The following ABHD2 variants were observed in gnomAD, a reference collection of about 807,000 sequenced individuals.
ABHD2 encodes abhydrolase domain containing 2, acylglycerol lipase, also known as monoacylglycerol lipase ABHD2.
Under a neutral mutation model 48.1 loss-of-function variants are expected in ABHD2, and 20 were observed. That is an observed-to-expected ratio of 0.42 (90% CI 0.29 to 0.60). The LOEUF is 0.60. Ranked by LOEUF, ABHD2 falls within the 20% of genes least tolerant of loss-of-function variation. The pLI, the probability that ABHD2 is intolerant of heterozygous loss-of-function variation, is 0.24. For synonymous variants in ABHD2, 209 were observed against 214.2 expected, an observed-to-expected ratio of 0.98 and a Z score of 0.21; for missense variants, 405 against 550.9, an observed-to-expected ratio of 0.74 and a Z score of 2.65.
In ABHD2 at chr15:89,116,023, ATTC is replaced by A. The variant is rs1002656928; in HGVS notation, c.-6-296_-6-294del. On this transcript the variant is annotated intron_variant, in intron 2 of 10. Transcript: ENST00000352732. The surrounding 1 kb of genome is among the most constrained non-coding windows in gnomAD (Gnocchi z 4.6). Reference sequence around the variant, plus strand: ...TTTTCCCCCTCCGATAAAGGACACTATTCTTAGCATTTTTCAATTTTCTGATTT... The same window carrying A: ...TTTTCCCCCTCCGATAAAGGACACTATTAGCATTTTTCAATTTTCTGATTT... Among the ~76,000 whole-genome samples the A allele has an allele frequency of 1.3e-5, 2 of 152,332 alleles. No homozygotes were observed. Among genetic ancestry groups the A allele is most frequent in the East Asian group, 1.9e-4 (1 of 5,192 alleles).
the ABHD2 span, among the ~76,000 whole-genome samples, chr15:89,060,639 G>A: frequency 2.0e-5 from 3 of 151,964 alleles, no homozygotes; most frequent in Admixed American, 6.6e-5. Flanking sequence ...CCAAGTCCAG[G>A]TGTAATCTGT....
At chr15:89,070,680 G>T in the ABHD2 span, among the ~76,000 whole-genome samples, 8 of 152,152 alleles carry the variant, frequency 5.3e-5, no homozygotes, top group Admixed American at 6.5e-5. Flanking sequence ...ATTGGTCAAG[G>T]TTACACAGTG....
chr15:89,091,329 A>C lies in ABHD2; in HGVS notation c.-107+2766A>C, dbSNP rs111377332. On this transcript the variant is annotated intron_variant, in intron 1 of 10. Transcript: ENST00000352732. The surrounding 1 kb of genome is among the most constrained non-coding windows in gnomAD (Gnocchi z 5.5). The stretch of plus-strand genomic sequence containing the variant: ...TCACTTCATTAAATGGCACCTTCTC[A>C]TGCTTTATTTTTCTTGAGTTGATTC... 2.0e-5 allele frequency among the ~76,000 whole-genome samples: 3 copies of C among 152,112 alleles called. No homozygotes were observed. Among genetic ancestry groups the C allele is most frequent in the Non-Finnish European group, 2.9e-5 (2 of 68,014 alleles).
At chr15:89,101,035 T>C (rs2150784754) in intron 1 of ABHD2, among the ~76,000 whole-genome samples, 1 of 152,318 alleles carries the variant, frequency 6.6e-6, no homozygotes, top group South Asian at 2.1e-4. Context: ...ATAGCAGAAA[T>C]CATGAGTCTT....
Position 89,175,337 on chromosome 15 carries a change from G to T in ABHD2, c.539-475G>T, listed in dbSNP as rs1159400693. Among the ~76,000 whole-genome samples the T allele has an allele frequency of 6.6e-6, 1 of 152,126 alleles. No individual in the cohort carries two copies. Among genetic ancestry groups the T allele is most frequent in the Admixed American group, 6.5e-5 (1 of 15,270 alleles). On this transcript the variant is annotated intron_variant, in intron 5 of 10. Transcript: ENST00000352732. The surrounding 1 kb of genome is among the most constrained non-coding windows in gnomAD (Gnocchi z 5.7). ...CCTCCCCGGCTCAAGGGATCCTCTT[G>T]CCTCAGCCTCCTAAGTAGCGGGGAC...
upstream of ABHD2, among the ~76,000 whole-genome samples, chr15:89,083,906 C>A (rs1901316350): frequency 6.6e-6 from 1 of 152,304 alleles, no homozygotes; most frequent in Admixed American, 6.5e-5. The surrounding 1 kb of genome is among the most constrained non-coding windows in gnomAD (Gnocchi z 5.1). Flanking sequence ...AGACAGTCGA[C>A]CTGGTAACAG....
chr15:89,047,447 A>G, the ABHD2 span, among the ~76,000 whole-genome samples: 2 of 151,630 alleles, frequency 1.3e-5, no homozygotes, highest in South Asian at 2.1e-4. Flanking sequence ...ATTCCTGGGT[A>G]TCCTTGTTGA....
chr15:89,107,369 G>T (rs1300322605), intron 1 of ABHD2, among the ~76,000 whole-genome samples: 3 of 152,100 alleles, frequency 2.0e-5, no homozygotes, highest in Non-Finnish European at 4.4e-5. Flanking sequence ...AAACTCATTG[G>T]AGGAGGCCCA....
chr15:89,146,351 CGTACGTGTGTGT>C lies in ABHD2; in HGVS notation c.195-5323_195-5312del, dbSNP rs1196117240. On this transcript the variant is annotated intron_variant, in intron 3 of 10. Coordinates refer to ENST00000352732, the MANE Select transcript of ABHD2 (RefSeq NM_152924.5). This position sits in a 1 kb window ranked among gnomAD's most constrained non-coding sequence, Gnocchi z 4.2. ...TATGTGAGCTTCATCTGCTCAAAGA[CGTACGTGTGTGT>C]GTGTGTGTGTGTGTGTGTGTGTGTG... Among the ~76,000 whole-genome samples, 2 of 108,236 alleles carry C rather than the reference CGTACGTGTGTGT, an allele frequency of 1.8e-5. No individual in the cohort carries two copies. Among genetic ancestry groups the C allele is most frequent in the African/African-American group, 7.4e-5 (2 of 26,896 alleles). The allele number at this position is 108,236 out of a possible 152,430, so 71.0% of individuals were successfully genotyped here. A position where few individuals can be genotyped will look rare whatever the true frequency, so the allele number is the denominator to read the frequency against.
In ABHD2 at chr15:89,133,867, C is replaced by T. The variant is rs570623104; in HGVS notation, c.194+17346C>T. On this transcript the variant is annotated intron_variant, in intron 3 of 10. Coordinates refer to ENST00000352732, the MANE Select transcript of ABHD2 (RefSeq NM_152924.5). ...TTTTTTTTTTTTTGAGACAGAGTCTCGCTCTGTCACCCAGGCTAGAGTGCA... is the reference window on the plus strand; with the variant it reads ...TTTTTTTTTTTTTGAGACAGAGTCTTGCTCTGTCACCCAGGCTAGAGTGCA... Among the ~76,000 whole-genome samples the T allele has an allele frequency of 2.7e-3, 373 of 137,410 alleles. 2 individuals are homozygous for T. Among genetic ancestry groups the T allele is most frequent in the African/African-American group, 9.5e-3 (349 of 36,868 alleles). 90.1% of individuals were successfully genotyped at this position (137,410 alleles called of 152,430 possible). A position where few individuals can be genotyped will look rare whatever the true frequency, so the allele number is the denominator to read the frequency against.
chr15:89,111,294 G>T (rs983377143), intron 1 of ABHD2, among the ~76,000 whole-genome samples: 1 of 152,116 alleles, frequency 6.6e-6, no homozygotes, highest in African/African-American at 2.4e-5. Flanking sequence ...CTCTTATAAC[G>T]CAGTGATTTT....
At chr15:89,073,458 G>A in the ABHD2 span, among the ~76,000 whole-genome samples, 1 of 152,074 alleles carries the variant, frequency 6.6e-6, no homozygotes, top group Admixed American at 6.6e-5. Flanking sequence ...ACCATGCCTG[G>A]TAATTTTTTT....
the ABHD2 span, among the ~76,000 whole-genome samples, chr15:89,057,904 C>A: frequency 6.6e-6 from 1 of 152,200 alleles, no homozygotes; most frequent in Non-Finnish European, 1.5e-5. Flanking sequence ...GGTCTGACTT[C>A]TTTCCTGCAG....
rs1477724146 is a variant in ABHD2, at chr15:89,104,527, C to T, written c.-106-9198C>T. On this transcript the variant is annotated intron_variant, in intron 1 of 10. Coordinates refer to ENST00000352732, the MANE Select transcript of ABHD2 (RefSeq NM_152924.5). The surrounding 1 kb of genome is among the most constrained non-coding windows in gnomAD (Gnocchi z 4.4). ...GTGTATTAGCCAAGTACTGGGGGCA[C>T]TGGGAGCCTTGTCTGCTCCCAGTCG... Among the ~76,000 whole-genome samples the T allele has an allele frequency of 6.6e-6, 1 of 152,238 alleles. No homozygotes were observed. The highest frequency in any genetic ancestry group is 2.4e-5 in the African/African-American group (1 of 41,464).
chr15:89,053,543 C>A, the ABHD2 span, among the ~76,000 whole-genome samples: 3 of 152,148 alleles, frequency 2.0e-5, no homozygotes, highest in Non-Finnish European at 2.9e-5. Context: ...ATACTAACCA[C>A]CCAATCAGAT....
Position 89,089,100 on chromosome 15 carries a change from T to A in ABHD2, c.-107+537T>A, listed in dbSNP as rs373841569. The stretch of plus-strand genomic sequence containing the variant: ...CCGAGTTCGGCCCCGCGACCGGCAC[T>A]GTTCTAGGCCCTTCGTGAGCTTTTC... On this transcript the variant is annotated intron_variant, in intron 1 of 10. Transcript: ENST00000352732. Among the ~76,000 whole-genome samples the A allele has an allele frequency of 3.3e-5, 5 of 152,366 alleles. No homozygotes were observed. The East Asian group carries it at 7.7e-4, about 24-fold the overall frequency.
intron 5 of ABHD2, among the ~76,000 whole-genome samples, chr15:89,171,648 C>T (rs1304728751): frequency 2.6e-5 from 4 of 152,106 alleles, no homozygotes; most frequent in Admixed American, 2.0e-4. Flanking sequence ...GCTAAGCTTC[C>T]GAAAGGCTAA....
chr15:89,057,923 C>T, the ABHD2 span, among the ~76,000 whole-genome samples: 1 of 152,276 alleles, frequency 6.6e-6, no homozygotes, highest in African/African-American at 2.4e-5. Context: ...AGCTCTTCGC[C>T]CTCTACCCAG....
In ABHD2 at chr15:89,146,762, G is replaced by T. The variant is rs2050498838; in HGVS notation, c.195-4915G>T. 6.6e-6 allele frequency among the ~76,000 whole-genome samples: 1 copy of T among 152,096 alleles called. No homozygotes were observed. The highest frequency in any genetic ancestry group is 2.4e-5 in the African/African-American group (1 of 41,418). On this transcript the variant is annotated intron_variant, in intron 3 of 10. Transcript: ENST00000352732. The surrounding 1 kb of genome is among the most constrained non-coding windows in gnomAD (Gnocchi z 4.2). ...AAAAATGGAATATTCTGTAAAACAT[G>T]AAGAAAGCAATGAAATTTTACTATA...
Sources: gnomAD v4.1 joint callset for allele counts (sites outside exome capture counted in the v4.1 genomes callset) on GRCh38, gnomAD v4.1.1 for gene constraint, Gnocchi (gnomAD v3.1) non-coding constraint, MANE v1.5 for transcripts, NCBI Gene and HGNC (gene_info 2026-07-23, HGNC 2026-07-21) for gene names.